The following KPNA5 variants were observed in gnomAD, a reference collection of about 807,000 sequenced individuals.
The protein encoded by KPNA5 is importin subunit alpha-6.
A neutral mutation model predicts 71.3 loss-of-function variants in KPNA5; 46 were observed. That is an observed-to-expected ratio of 0.65 (90% CI 0.51 to 0.83). KPNA5 has a LOEUF of 0.83. Ranked by LOEUF, KPNA5 falls within the 40% of genes least tolerant of loss-of-function variation. The pLI, the probability that KPNA5 is intolerant of heterozygous loss-of-function variation, is 0.00. For missense variants in KPNA5, 547 were observed against 628.3 expected, an observed-to-expected ratio of 0.87 and a Z score of 1.38; for synonymous variants, 207 against 201.4, an observed-to-expected ratio of 1.03 and a Z score of -0.24.
At chr6:116,709,905 C>A (rs1241667192) in intron 7 of KPNA5, among the ~76,000 whole-genome samples, 1 of 151,898 alleles carries the variant, frequency 6.6e-6, no homozygotes, top group Non-Finnish European at 1.5e-5. Flanking sequence ...GGACTACAAG[C>A]GTGCACTACC....
chr6:116,724,212 C>T (rs1260372655), intron 9 of KPNA5, 85 bp from the exon 10 acceptor site: 19 of 801,506 alleles, frequency 2.4e-5, no homozygotes, highest in African/African-American at 1.7e-4. Flanking sequence ...CTGAACACCC[C>T]GCAGGAGTTT....
Position 116,729,562 on chromosome 6 carries a change from G to A in KPNA5, c.1254-1G>A. The A allele has an allele frequency of 2.7e-6, 4 of 1,489,962 alleles. No homozygotes were observed. The highest frequency in any genetic ancestry group is 3.6e-6 in the Non-Finnish European group (4 of 1,112,462). The allele number at this position is 1,489,962 out of a possible 1,614,324, so 92.3% of individuals were successfully genotyped here. A position where few individuals can be genotyped will look rare whatever the true frequency, so the allele number is the denominator to read the frequency against. ...TTCTTCTCTTTTATATTAATCTGAA[G>A]GTATTTGGTAGCTTTAGGCTGCATT... is the stretch of plus-strand genomic sequence containing the variant. On this transcript the variant is annotated splice_acceptor_variant, in intron 12 of 13. Coordinates refer to ENST00000368564, the MANE Select transcript of KPNA5 (RefSeq NM_001366306.2). LOFTEE classifies it high-confidence loss of function.
chr6:116,734,291 A>T lies in KPNA5; in HGVS notation c.*1968A>T, dbSNP rs1779593990. ...AGCTGTGCCTCCTTTTATTTTGAGGACCCTGTAGTCACTATAATAAATTTC... is the reference window on the plus strand; with the variant it reads ...AGCTGTGCCTCCTTTTATTTTGAGGTCCCTGTAGTCACTATAATAAATTTC... On this transcript the variant is annotated 3_prime_UTR_variant, in exon 14 of 14. Coordinates refer to ENST00000368564, the MANE Select transcript of KPNA5 (RefSeq NM_001366306.2). 6.6e-6 allele frequency: 1 copy of T among 151,650 alleles called. No homozygotes were observed. The highest frequency in any genetic ancestry group is 2.4e-5 in the African/African-American group (1 of 41,410). The allele number at this position is 151,650 out of a possible 1,614,324, so 9.4% of individuals were successfully genotyped here. A position where few individuals can be genotyped will look rare whatever the true frequency, so the allele number is the denominator to read the frequency against.
chr6:116,708,799 A>T (rs1236282746), intron 7 of KPNA5, among the ~76,000 whole-genome samples: 1 of 151,858 alleles, frequency 6.6e-6, no homozygotes, highest in Non-Finnish European at 1.5e-5. Context: ...TTTTTTATTT[A>T]ATTTGAGACA....
intron 1 of KPNA5, among the ~76,000 whole-genome samples, chr6:116,684,413 C>T (rs1224457871): frequency 6.6e-6 from 1 of 152,146 alleles, no homozygotes; most frequent in African/African-American, 2.4e-5. Flanking sequence ...GACATAATTA[C>T]CAAATCTGAT....
Position 116,705,085 on chromosome 6 carries a change from T to G in KPNA5, c.581T>G (p.Leu194Arg), listed in dbSNP as rs747056679. The G allele has an allele frequency of 6.2e-7, 1 of 1,611,418 alleles. No homozygotes were observed. The highest frequency in any genetic ancestry group is 1.7e-5 in the Admixed American group (1 of 59,814). Reference sequence around the variant, plus strand: ...TTTTTTCCTAAGGCTGTTTGGGCACTTGGTAATATTGCTGGTGACAATGCA... The same window carrying G: ...TTTTTTCCTAAGGCTGTTTGGGCACGTGGTAATATTGCTGGTGACAATGCA... ...EDVQEQAVWA[L>R]GNIAGDNAEC... Residue 194 changes from leucine (L) to arginine (R), a missense_variant, in exon 7 of 14, where the codon CTT becomes CGT. Physicochemically the swap from Leu to Arg is moderately radical, Grantham distance 102 (BLOSUM62 -2). Coordinates refer to ENST00000368564, the MANE Select transcript of KPNA5 (RefSeq NM_001366306.2).
At chr6:116,731,663 G>C (rs1240826436) in intron 13 of KPNA5, among the ~76,000 whole-genome samples, 1 of 152,018 alleles carries the variant, frequency 6.6e-6, no homozygotes, top group East Asian at 1.9e-4. Context: ...TATGGGTTTG[G>C]AAATTTTACA....
intron 7 of KPNA5, among the ~76,000 whole-genome samples, chr6:116,714,184 C>T (rs1347965594): frequency 6.6e-6 from 1 of 152,186 alleles, no homozygotes; most frequent in Non-Finnish European, 1.5e-5. Context: ...AGATTCTCCT[C>T]TCCTTCCAGG....
chr6:116,726,059 CAA>C (rs141873074), intron 11 of KPNA5, among the ~76,000 whole-genome samples, 183 bp downstream of exon 11: 2,566 of 109,548 alleles, frequency 0.023, 79 homozygotes, highest in African/African-American at 0.093. Flanking sequence ...TGAAGAACAT[CAA>C]GTGTGTGTGT....
intron 13 of KPNA5, among the ~76,000 whole-genome samples, chr6:116,731,601 A>G (rs546160443): frequency 3.4e-4 from 52 of 152,188 alleles, no homozygotes; most frequent in Non-Finnish European, 6.0e-4. Context: ...TTCAGTTTCA[A>G]TTGTAGATTG....
chr6:116,694,214 A>G (rs1194572796), intron 4 of KPNA5, among the ~76,000 whole-genome samples: 5 of 152,226 alleles, frequency 3.3e-5, no homozygotes, highest in African/African-American at 2.4e-5. Flanking sequence ...TATCTTGGCA[A>G]TGCGGGCTCT....
At chr6:116,716,159 A>G (rs527825251) in intron 7 of KPNA5, 60 bp from the exon 8 acceptor site, 7 of 1,247,618 alleles carry the variant, frequency 5.6e-6, no homozygotes, top group East Asian at 4.7e-5. Flanking sequence ...TTGTATTATG[A>G]TAGCTAAAGA....
chr6:116,685,352 C>T (rs75586912), intron 1 of KPNA5, among the ~76,000 whole-genome samples: 66 of 152,294 alleles, frequency 4.3e-4, no homozygotes, highest in Admixed American at 1.4e-3. Context: ...AAACTCGTGT[C>T]ATGGGTGTTG....
chr6:116,712,402 C>T (rs1039475299), intron 7 of KPNA5, among the ~76,000 whole-genome samples: 2 of 152,190 alleles, frequency 1.3e-5, no homozygotes, highest in African/African-American at 4.8e-5. Context: ...GGCCTTTTGG[C>T]TAAGATCAAG....
intron 7 of KPNA5, among the ~76,000 whole-genome samples, chr6:116,707,345 C>A (rs1778485283): frequency 6.6e-6 from 1 of 151,898 alleles, no homozygotes; most frequent in African/African-American, 2.4e-5. Flanking sequence ...ATAAACTATC[C>A]TGATACAATT....
chr6:116,729,753 G>T lies in KPNA5; in HGVS notation c.1432+12G>T. ...TGAAGAAGCATATGGTAAGCAATCA[G>T]TTAAAAATTTGCAATTATAGTCAGT... On this transcript the variant is annotated intron_variant, in intron 13 of 13. Transcript: ENST00000368564. The T allele has an allele frequency of 6.9e-7, 1 of 1,448,448 alleles. No homozygotes were observed. The highest frequency in any genetic ancestry group is 9.2e-7 in the Non-Finnish European group (1 of 1,089,372). The allele number at this position is 1,448,448 out of a possible 1,614,324, so 89.7% of individuals were successfully genotyped here.
intron 7 of KPNA5, among the ~76,000 whole-genome samples, chr6:116,706,912 C>G (rs1255747144): frequency 6.6e-6 from 1 of 151,946 alleles, no homozygotes; most frequent in Non-Finnish European, 1.5e-5. Context: ...GCCTGTAATC[C>G]CAGCACTTTG....
At chr6:116,722,678 G>A (rs922732398) in intron 9 of KPNA5, among the ~76,000 whole-genome samples, 1 of 152,120 alleles carries the variant, frequency 6.6e-6, no homozygotes, top group Non-Finnish European at 1.5e-5. Flanking sequence ...ATTAATTTGA[G>A]TAAAAGTCCA....
intron 1 of KPNA5, among the ~76,000 whole-genome samples, chr6:116,686,196 G>A (rs1369523847): frequency 1.3e-5 from 2 of 152,230 alleles, no homozygotes; most frequent in African/African-American, 4.8e-5. Flanking sequence ...GGGATTACAG[G>A]TGTGAGCCAC....
Sources: gnomAD v4.1 joint callset for allele counts (sites outside exome capture counted in the v4.1 genomes callset) on GRCh38, gnomAD v4.1.1 for gene constraint, MANE v1.5 for transcripts, NCBI Gene and HGNC (gene_info 2026-07-23, HGNC 2026-07-21) for gene names.